The following SLC38A9 variants were observed in gnomAD, a reference collection of about 807,000 sequenced individuals.
The protein encoded by SLC38A9 is neutral amino acid transporter 9.
Under a neutral mutation model 62.3 loss-of-function variants are expected in SLC38A9, and 48 were observed. The ratio of observed to expected loss-of-function variants is 0.77; its 90% CI spans 0.61 to 0.98. SLC38A9 has a LOEUF of 0.98. Ranked by LOEUF, SLC38A9 falls within the 50% of genes least tolerant of loss-of-function variation. The pLI is 0.00. For synonymous variants in SLC38A9, 204 were observed against 227.7 expected (o/e 0.90, Z 0.94); for missense variants, 541 against 679.8 (o/e 0.80, Z 2.27).
chr5:55,683,620 C>T (rs1753344896), intron 3 of SLC38A9, among the ~76,000 whole-genome samples: 2 of 152,152 alleles, frequency 1.3e-5, no homozygotes, highest in African/African-American at 2.4e-5. Context: ...GTTTCATTTG[C>T]TTTCAAACTT....
At chr5:55,699,642 T>C (rs531491285) in intron 2 of SLC38A9, among the ~76,000 whole-genome samples, 2 of 152,282 alleles carry the variant, frequency 1.3e-5, no homozygotes, top group East Asian at 1.9e-4. Context: ...ATGTTTCCTA[T>C]GTTTAAATAA....
intron 8 of SLC38A9, among the ~76,000 whole-genome samples, chr5:55,657,450 C>T (rs1748648044): frequency 6.6e-6 from 1 of 151,514 alleles, no homozygotes; most frequent in African/African-American, 2.4e-5. Context: ...AAAGGGGAAA[C>T]CAACACTCAT....
chr5:55,667,720 T>C (rs1396702904), intron 7 of SLC38A9, among the ~76,000 whole-genome samples: 1 of 152,052 alleles, frequency 6.6e-6, no homozygotes, highest in East Asian at 1.9e-4. Flanking sequence ...CTTCTTTTTA[T>C]TATTTTTATT....
intron 3 of SLC38A9, chr5:55,696,033 C>G (rs1232870461): frequency 2.0e-5 from 2 of 101,696 alleles, no homozygotes; most frequent in East Asian, 5.5e-4. Context: ...GCTGACCCCC[C>G]CACCTCCCTC....
At chr5:55,650,972 G>A (rs1454800630) in intron 10 of SLC38A9, among the ~76,000 whole-genome samples, 2 of 151,830 alleles carry the variant, frequency 1.3e-5, no homozygotes, top group African/African-American at 4.8e-5. Flanking sequence ...TGTATTTTTA[G>A]TAGAGACAGG....
chr5:55,668,532 T>G (rs373776140), intron 7 of SLC38A9, among the ~76,000 whole-genome samples: 106 of 152,336 alleles, frequency 7.0e-4, no homozygotes, highest in African/African-American at 2.4e-3. Context: ...CAGGTCTGGC[T>G]TCTCAAGACT....
chr5:55,677,135 A>C (rs1360488550), intron 3 of SLC38A9, among the ~76,000 whole-genome samples: 1 of 152,248 alleles, frequency 6.6e-6, no homozygotes, highest in Non-Finnish European at 1.5e-5. Flanking sequence ...CATGTAATGC[A>C]AGTATTAATA....
chr5:55,631,358 T>C (rs1021324256), intron 14 of SLC38A9, among the ~76,000 whole-genome samples: 1 of 152,018 alleles, frequency 6.6e-6, no homozygotes, highest in African/African-American at 2.4e-5. Flanking sequence ...GGAAGAACTG[T>C]AATGTGAAAA....
chr5:55,672,893 A>G (rs1751541454), intron 3 of SLC38A9, 198 bp from the exon 4 acceptor site: 4 of 462,608 alleles, frequency 8.6e-6, no homozygotes, highest in Non-Finnish European at 1.5e-5. Flanking sequence ...TTTGTCTCAT[A>G]ACACTTTTAC....
chr5:55,708,382 G>A (rs1191477186), intron 2 of SLC38A9, among the ~76,000 whole-genome samples: 2 of 152,154 alleles, frequency 1.3e-5, no homozygotes, highest in Non-Finnish European at 2.9e-5. Context: ...CCGTAAAAAG[G>A]ACATAGAGAG....
At chr5:55,670,754 C>T (rs1261615404) in intron 4 of SLC38A9, among the ~76,000 whole-genome samples, 2 of 152,064 alleles carry the variant, frequency 1.3e-5, no homozygotes, top group Non-Finnish European at 2.9e-5. Context: ...AAGAGCAGAG[C>T]CTCTAGAAGG....
At chr5:55,630,820 T>C (rs548800953) in intron 14 of SLC38A9, among the ~76,000 whole-genome samples, 10 of 152,276 alleles carry the variant, frequency 6.6e-5, no homozygotes, top group African/African-American at 2.4e-4. Context: ...AATGGTTTTA[T>C]TATTGATTTT....
intron 8 of SLC38A9, among the ~76,000 whole-genome samples, chr5:55,661,393 CG>C (rs1749521299): frequency 7.4e-6 from 1 of 134,722 alleles, no homozygotes; most frequent in South Asian, 2.4e-4. Flanking sequence ...TGCAGTGAGC[CG>C]AGATCTCGCC....
At chr5:55,709,580 C>T (rs11741159) in intron 2 of SLC38A9, among the ~76,000 whole-genome samples, 82,660 of 151,280 alleles carry the variant, frequency 0.55, 23,881 homozygotes, top group South Asian at 0.65. Context: ...AAACTCTGCC[C>T]CTAACCCCAA....
chr5:55,689,389 A>G (rs1487853950), intron 3 of SLC38A9, among the ~76,000 whole-genome samples: 1 of 152,234 alleles, frequency 6.6e-6, no homozygotes, highest in African/African-American at 2.4e-5. Flanking sequence ...TCATTGGCCT[A>G]TAGTCAGCCA....
intron 3 of SLC38A9, among the ~76,000 whole-genome samples, chr5:55,695,105 T>C (rs551181789): frequency 1.4e-4 from 22 of 151,814 alleles, no homozygotes; most frequent in African/African-American, 5.1e-4. Flanking sequence ...TAAGAGGTTA[T>C]TGCATCAGAG....
At chr5:55,666,194 TA>T (rs1750438219) in intron 7 of SLC38A9, among the ~76,000 whole-genome samples, 1 of 152,154 alleles carries the variant, frequency 6.6e-6, no homozygotes, top group Admixed American at 6.5e-5. Flanking sequence ...AAAAAGCATG[TA>T]TTTAGAGATT....
intron 7 of SLC38A9, 21 bp downstream of exon 7, chr5:55,669,207 G>T: frequency 6.4e-7 from 1 of 1,569,506 alleles, no homozygotes; most frequent in Non-Finnish European, 8.8e-7. Context: ...ATAATCTATT[G>T]TCACTGTGTC....
At chr5:55,637,367 A>G (rs1744598571) in intron 12 of SLC38A9, among the ~76,000 whole-genome samples, 1 of 152,208 alleles carries the variant, frequency 6.6e-6, no homozygotes, top group Non-Finnish European at 1.5e-5. Flanking sequence ...TTCTCACGGC[A>G]CTATATACTT....
Sources: gnomAD v4.1 joint callset for allele counts (sites outside exome capture counted in the v4.1 genomes callset) on GRCh38, gnomAD v4.1.1 for gene constraint, MANE v1.5 for transcripts, NCBI Gene and HGNC (gene_info 2026-07-23, HGNC 2026-07-21) for gene names.